Variants in RPA3 observed in about 807,000 individuals in gnomAD.
RPA3 encodes replication protein A3.
In RPA3, 24 loss-of-function variants were observed where a neutral mutation model predicts 13.7. That is an observed-to-expected ratio of 1.75 (90% CI 1.27 to 2.46). RPA3 has a LOEUF of 2.46. Ranked by LOEUF, RPA3 falls within the 30% of genes most tolerant of loss-of-function variation. The pLI, the probability that RPA3 is intolerant of heterozygous loss-of-function variation, is 0.00. For synonymous variants in RPA3, 59 were observed against 51.2 expected (o/e 1.15, Z -0.65); for missense variants, 183 against 151.0 (o/e 1.21, Z -1.11).
intron 4 of RPA3, among the ~76,000 whole-genome samples, chr7:7,676,507 T>G (rs532927544): frequency 1.4e-3 from 219 of 152,288 alleles, no homozygotes; most frequent in African/African-American, 5.2e-3. Flanking sequence ...ATCATCAGTT[T>G]TAATTCTAAG....
intron 4 of RPA3, among the ~76,000 whole-genome samples, chr7:7,648,257 C>A (rs1405116292): frequency 1.3e-5 from 2 of 152,226 alleles, no homozygotes; most frequent in Non-Finnish European, 2.9e-5. Flanking sequence ...TTTGACAGAT[C>A]ATGAGTGATT....
At chr7:7,673,706 C>T (rs5007601) in intron 4 of RPA3, among the ~76,000 whole-genome samples, 85,458 of 146,846 alleles carry the variant, frequency 0.58, 24,512 homozygotes, top group East Asian at 0.8. Context: ...CTTCTTTTTC[C>T]CCCCCTTTTT....
intron 4 of RPA3, among the ~76,000 whole-genome samples, chr7:7,642,460 G>A (rs7796049): frequency 0.2 from 23,271 of 114,724 alleles, 2,024 homozygotes; most frequent in Middle Eastern, 0.24. Context: ...TGCGTACCCT[G>A]TAATAGTGAT....
intron 4 of RPA3, among the ~76,000 whole-genome samples, chr7:7,651,067 A>G (rs533260227): frequency 3.3e-5 from 5 of 152,344 alleles, no homozygotes; most frequent in African/African-American, 9.6e-5. Context: ...GCCCAAAGCA[A>G]TACCAGAGCA....
chr7:7,669,759 G>C (rs960906501), intron 4 of RPA3, among the ~76,000 whole-genome samples: 1 of 152,176 alleles, frequency 6.6e-6, no homozygotes, highest in Non-Finnish European at 1.5e-5. Flanking sequence ...ACACGAGGGT[G>C]ACTGATGCCT....
chr7:7,668,535 A>G (rs1450848514), intron 4 of RPA3, among the ~76,000 whole-genome samples: 2 of 152,198 alleles, frequency 1.3e-5, no homozygotes, highest in South Asian at 2.1e-4. Context: ...AGATGTGTAC[A>G]TACAGTAAGT....
At chr7:7,677,480 C>G (rs1222564262) in intron 4 of RPA3, among the ~76,000 whole-genome samples, 1 of 151,964 alleles carries the variant, frequency 6.6e-6, no homozygotes, top group Non-Finnish European at 1.5e-5. Context: ...AAACTGAGCT[C>G]CCTCATATGA....
At chr7:7,666,753 T>G (rs952230789) in intron 4 of RPA3, among the ~76,000 whole-genome samples, 4 of 152,158 alleles carry the variant, frequency 2.6e-5, no homozygotes, top group Admixed American at 1.3e-4. Context: ...TTATCAAATA[T>G]GTGATTTCCA....
chr7:7,675,289 C>G (rs755873499), intron 4 of RPA3, among the ~76,000 whole-genome samples: 1 of 152,178 alleles, frequency 6.6e-6, no homozygotes, highest in Non-Finnish European at 1.5e-5. Flanking sequence ...AATGCTGGAC[C>G]TTAAACTTTT....
Position 7,669,205 on chromosome 7 carries a change from G to C in RPA3, c.-758+16625C>G, listed in dbSNP as rs540306666. ...TATTGTTGGTTTCAGGTGTCTACTTGGGATCTTGGAACATGTCCCCCATGG... is the reference window on the plus strand; with the variant it reads ...TATTGTTGGTTTCAGGTGTCTACTTCGGATCTTGGAACATGTCCCCCATGG... On this transcript the variant is annotated intron_variant, in intron 4 of 7. Coordinates refer to ENST00000223129, the MANE Select transcript of RPA3 (RefSeq NM_002947.5). Among the ~76,000 whole-genome samples, 7 of 152,170 alleles carry C rather than the reference G, an allele frequency of 4.6e-5. No individual in the cohort carries two copies. The East Asian group carries it at 1.4e-3, about 29-fold the overall frequency.
chr7:7,642,963 TTTTG>T (rs1211282639), intron 4 of RPA3, among the ~76,000 whole-genome samples: 3 of 152,206 alleles, frequency 2.0e-5, no homozygotes, highest in Non-Finnish European at 2.9e-5. Flanking sequence ...TTCTGACTTC[TTTTG>T]TTTGTTTTTG....
chr7:7,691,108 A>G (rs1000795421), intron 2 of RPA3, among the ~76,000 whole-genome samples: 3 of 152,182 alleles, frequency 2.0e-5, no homozygotes, highest in African/African-American at 7.2e-5. Context: ...TATGCTGCCA[A>G]CATTGAATAA....
rs183387621 is a variant in RPA3, at chr7:7,650,271, A to G, written c.-757-9096T>C. On this transcript the variant is annotated intron_variant, in intron 4 of 7. Coordinates refer to ENST00000223129, the MANE Select transcript of RPA3 (RefSeq NM_002947.5). ...AGTTAATATTTGCTTGAAATTACCC[A>G]TATATTTATCATTTTCTTTACTTAA... Among the ~76,000 whole-genome samples the G allele has an allele frequency of 6.5e-4, 99 of 152,238 alleles. No individual in the cohort carries two copies. In the East Asian group the frequency reaches 0.012, roughly 18 times the overall value.
At chr7:7,700,062 C>G (rs888625114) in intron 2 of RPA3, among the ~76,000 whole-genome samples, 28 of 152,108 alleles carry the variant, frequency 1.8e-4, no homozygotes, top group African/African-American at 6.8e-4. Flanking sequence ...TGGAGGGTGT[C>G]TTAGTCAGTC....
chr7:7,693,271 T>C (rs780768609), intron 2 of RPA3, among the ~76,000 whole-genome samples: 5 of 149,378 alleles, frequency 3.3e-5, no homozygotes, highest in African/African-American at 9.9e-5. Context: ...TAAGTAAATA[T>C]GAATAGTTAC....
chr7:7,707,604 G>A (rs1780638138), intron 2 of RPA3, among the ~76,000 whole-genome samples: 1 of 152,126 alleles, frequency 6.6e-6, no homozygotes, highest in Non-Finnish European at 1.5e-5. Context: ...ACTTCATAAA[G>A]CTAACAAATA....
chr7:7,682,148 G>T (rs1159875216), intron 4 of RPA3, among the ~76,000 whole-genome samples: 1 of 152,140 alleles, frequency 6.6e-6, no homozygotes, highest in Non-Finnish European at 1.5e-5. Context: ...GAATATGCAG[G>T]TGCTTCTTCA....
intron 4 of RPA3, among the ~76,000 whole-genome samples, chr7:7,644,457 C>G (rs957387496): frequency 1.3e-5 from 2 of 150,130 alleles, no homozygotes; most frequent in African/African-American, 4.9e-5. Context: ...TTTATGAATT[C>G]TTTGATACAT....
chr7:7,680,436 C>G (rs2115120436), intron 4 of RPA3, among the ~76,000 whole-genome samples: 1 of 152,208 alleles, frequency 6.6e-6, no homozygotes, highest in Middle Eastern at 3.4e-3. Flanking sequence ...ATTTTAGTTA[C>G]TATAGCTTTT....
Sources: allele counts gnomAD v4.1 joint callset (sites outside exome capture counted in the v4.1 genomes callset), GRCh38; gene constraint gnomAD v4.1.1; transcripts MANE v1.5; gene names NCBI Gene and HGNC (gene_info 2026-07-23, HGNC 2026-07-21).